Variants in FHIT observed in about 807,000 individuals in gnomAD.
FHIT encodes the protein fragile histidine triad diadenosine triphosphatase, also known as bis(5'-adenosyl)-triphosphatase.
Under a neutral mutation model 17.9 loss-of-function variants are expected in FHIT, and 19 were observed. That is an observed-to-expected ratio of 1.06 (90% confidence interval 0.74 to 1.56). The LOEUF (loss-of-function observed/expected upper bound fraction) is 1.56. Ranked by LOEUF, FHIT falls within the 40% of genes most tolerant of loss-of-function variation. The pLI is 0.00. For missense variants in FHIT, 248 were observed against 189.2 expected (o/e 1.31, Z -1.82); for synonymous variants, 81 against 69.7 (o/e 1.16, Z -0.81).
intron 7 of FHIT, among the ~76,000 whole-genome samples, chr3:59,943,007 C>T (rs1706607379): frequency 6.6e-6 from 1 of 152,080 alleles, no homozygotes. Context: ...GATAGTTCAG[C>T]TAGTTTCAAC....
At chr3:60,599,939 C>T (rs1559570669) in intron 4 of FHIT, among the ~76,000 whole-genome samples, 1 of 152,116 alleles carries the variant, frequency 6.6e-6, no homozygotes, top group African/African-American at 2.4e-5. Flanking sequence ...CCACTACTTA[C>T]TAGATGCCAG....
intron 3 of FHIT, among the ~76,000 whole-genome samples, chr3:60,883,532 A>G (rs73095247): frequency 0.054 from 8,274 of 152,266 alleles, 270 homozygotes; most frequent in South Asian, 0.11. Flanking sequence ...AGACCAGTGG[A>G]ACAGAACAGA....
At chr3:60,924,193 C>G (rs1483955283) in intron 3 of FHIT, among the ~76,000 whole-genome samples, 2 of 152,208 alleles carry the variant, frequency 1.3e-5, no homozygotes, top group Admixed American at 6.5e-5. Flanking sequence ...CCCTGTCTGA[C>G]AGCTTTGAAG....
intron 2 of FHIT, among the ~76,000 whole-genome samples, chr3:61,118,989 C>G (rs1242882269): frequency 1.3e-5 from 2 of 152,136 alleles, no homozygotes; most frequent in Non-Finnish European, 2.9e-5. Flanking sequence ...TCAGGGAAGA[C>G]ATTTTACTGG....
intron 4 of FHIT, among the ~76,000 whole-genome samples, chr3:60,553,825 C>T (rs1011275717): frequency 4.6e-5 from 7 of 152,240 alleles, no homozygotes; most frequent in African/African-American, 1.7e-4. Flanking sequence ...GTGGCTCACA[C>T]CTGTAATCCC....
intron 5 of FHIT, among the ~76,000 whole-genome samples, chr3:60,384,257 A>G (rs899916625): frequency 2.8e-5 from 4 of 144,590 alleles, no homozygotes; most frequent in Non-Finnish European, 6.0e-5. Flanking sequence ...ACAGACCAAG[A>G]CTCCGTCTTA....
intron 4 of FHIT, among the ~76,000 whole-genome samples, chr3:60,658,152 T>C (rs1292677065): frequency 1.3e-5 from 2 of 152,122 alleles, no homozygotes; most frequent in African/African-American, 2.4e-5. Flanking sequence ...CGATTTTGAA[T>C]ACTCAAAGCA....
chr3:60,739,317 T>C (rs1369519370), intron 4 of FHIT, among the ~76,000 whole-genome samples: 1 of 152,190 alleles, frequency 6.6e-6, no homozygotes, highest in Non-Finnish European at 1.5e-5. Context: ...ACTTAAGCTA[T>C]CTGTGAATGG....
intron 5 of FHIT, among the ~76,000 whole-genome samples, chr3:60,194,169 T>C (rs1302439321): frequency 1.3e-5 from 2 of 152,112 alleles, no homozygotes; most frequent in East Asian, 1.9e-4. Flanking sequence ...AGGCAACACA[T>C]TGCCTGACTT....
Position 60,875,922 on chromosome 3 carries a change from C to CGT in FHIT, c.-110-53912_-110-53911insAC, listed in dbSNP as rs1553756368. 1.8e-3 allele frequency among the ~76,000 whole-genome samples: 108 copies of CGT among 61,224 alleles called. 1 individual carries two copies. In the Middle Eastern group the frequency reaches 0.034, roughly 19 times the overall value. 40.2% of individuals were successfully genotyped at this position (61,224 alleles called of 152,430 possible). ...AATTTTTAGCTAAGGAAAACTTATT[C>CGT]ATGTGTGTGTGTGTGTGTGTGTGTG... On this transcript the variant is annotated intron_variant, in intron 3 of 9. Transcript: ENST00000492590.
chr3:60,997,933 A>G (rs2030793916), intron 3 of FHIT, among the ~76,000 whole-genome samples: 1 of 152,208 alleles, frequency 6.6e-6, no homozygotes, highest in Non-Finnish European at 1.5e-5. Context: ...AATATCTAGA[A>G]AATCAGAAAT....
At chr3:59,997,420 G>A (rs1424957625) in intron 7 of FHIT, among the ~76,000 whole-genome samples, 2 of 152,230 alleles carry the variant, frequency 1.3e-5, no homozygotes, top group Non-Finnish European at 2.9e-5. Context: ...GAAAGGAAAT[G>A]AAAAAGCAAA....
intron 2 of FHIT, among the ~76,000 whole-genome samples, chr3:61,052,198 G>A (rs1388304851): frequency 1.3e-5 from 2 of 152,124 alleles, no homozygotes; most frequent in Non-Finnish European, 2.9e-5. Context: ...TACCACACTC[G>A]TGTTCTTCCC....
intron 7 of FHIT, among the ~76,000 whole-genome samples, chr3:59,969,790 A>G (rs1212252273): frequency 6.6e-6 from 1 of 152,088 alleles, no homozygotes; most frequent in Non-Finnish European, 1.5e-5. Context: ...CAAAAGCGAG[A>G]TATTTTCTTG....
intron 5 of FHIT, among the ~76,000 whole-genome samples, chr3:60,068,291 A>G (rs190147819): frequency 6.6e-6 from 1 of 152,300 alleles, no homozygotes; most frequent in Admixed American, 6.5e-5. Context: ...CCCAATGTCT[A>G]TTTCCAAGCT....
At chr3:60,639,006 TAA>T (rs782748153) in intron 4 of FHIT, among the ~76,000 whole-genome samples, 192 of 116,062 alleles carry the variant, frequency 1.7e-3, no homozygotes, top group African/African-American at 4.9e-3. Flanking sequence ...ATGCATAAAT[TAA>T]AAAAAAAAAA....
At chr3:60,076,877 G>A (rs1034145196) in intron 5 of FHIT, among the ~76,000 whole-genome samples, 5 of 20,232 alleles carry the variant, frequency 2.5e-4, no homozygotes, top group Non-Finnish European at 1.0e-3. Flanking sequence ...AGTGAGACAC[G>A]ACTGACTGAA....
intron 5 of FHIT, among the ~76,000 whole-genome samples, chr3:60,349,650 G>A (rs73107024): frequency 0.01 from 1,557 of 152,048 alleles, 34 homozygotes; most frequent in African/African-American, 0.036. Context: ...ATTAATAAAC[G>A]TATATATAAG....
chr3:60,775,095 A>G lies in FHIT; in HGVS notation c.-18+46824T>C, dbSNP rs143569903. On this transcript the variant is annotated intron_variant, in intron 4 of 9. Coordinates refer to ENST00000492590, the MANE Select transcript of FHIT (RefSeq NM_002012.4). ...TTTCAACCAGTGCAGCTCCTTTCAT[A>G]TTAGTTTTTTAAAAAAACACATCTA... is the stretch of plus-strand genomic sequence containing the variant. Among the ~76,000 whole-genome samples, 73 of 152,304 alleles carry G rather than the reference A, an allele frequency of 4.8e-4. 1 individual carries two copies. In the East Asian group the frequency reaches 0.014, roughly 29 times the overall value.
Sources: gnomAD v4.1 joint callset for allele counts (sites outside exome capture counted in the v4.1 genomes callset) on GRCh38, gnomAD v4.1.1 for gene constraint, MANE v1.5 for transcripts, NCBI Gene and HGNC (gene_info 2026-07-23, HGNC 2026-07-21) for gene names.